ARV1: variants seen among roughly 807,000 people sequenced by gnomAD.
The protein encoded by ARV1 is ARV1 fatty acid homeostasis modulator.
A neutral mutation model predicts 31.1 loss-of-function variants in ARV1; 26 were observed. That is an observed-to-expected ratio of 0.84 (90% CI 0.61 to 1.16). ARV1 has a LOEUF of 1.16. Ranked by LOEUF, ARV1 falls within the 50% of genes most tolerant of loss-of-function variation. The pLI is 0.00. For synonymous variants in ARV1, 117 were observed against 123.2 expected, an observed-to-expected ratio of 0.95 and a Z score of 0.34; for missense variants, 281 against 324.9, an observed-to-expected ratio of 0.86 and a Z score of 1.04.
chr1:230,996,995 G>C, intron 4 of ARV1, 126 bp from the exon 5 acceptor site: 1 of 1,184,884 alleles, frequency 8.4e-7, no homozygotes, highest in Non-Finnish European at 1.2e-6. Context: ...TAACAGCATA[G>C]ATTAATAAGA....
At chr1:230,987,073 A>T (rs1366321391) in intron 1 of ARV1, among the ~76,000 whole-genome samples, 4 of 152,120 alleles carry the variant, frequency 2.6e-5, no homozygotes. Flanking sequence ...TGCCAGCATC[A>T]CTACTCTCAT....
rs139239645 is a variant in ARV1 at position 230,987,805 on chromosome 1, C to T, written c.175-515C>T. 6.6e-4 allele frequency among the ~76,000 whole-genome samples: 101 copies of T among 152,306 alleles called. No individual in the cohort carries two copies. In the South Asian group the frequency reaches 9.3e-3, roughly 14 times the overall value. ...CACCTCAGGATCATTCGGATCATGCCCCATTCTTTACCTACTTGCAGCTCT... is the reference window on the plus strand; with the variant it reads ...CACCTCAGGATCATTCGGATCATGCTCCATTCTTTACCTACTTGCAGCTCT... On this transcript the variant is annotated intron_variant, in intron 1 of 5. Transcript: ENST00000310256.
rs144095931 is a variant in ARV1, at chr1:230,988,353, G to A, written c.208G>A (p.Glu70Lys). ...SCQKPVDKYIEYDPVIILINA... is the reference protein window; with the variant it reads ...SCQKPVDKYIKYDPVIILINA... ...CCAGAAACCTGTAGACAAATATATCGAGTATGATCCTGTTATCATCTTGAT... is the reference window on the plus strand; with the variant it reads ...CCAGAAACCTGTAGACAAATATATCAAGTATGATCCTGTTATCATCTTGAT... The change falls in exon 2 of 6, where the codon GAG (glutamate) becomes AAG (lysine). Residue 70 changes from glutamate to lysine, a missense_variant. By Grantham distance (56) the Glu-to-Lys change is moderately conservative. Coordinates refer to ENST00000310256, the MANE Select transcript of ARV1 (RefSeq NM_022786.3). 39 of 1,594,684 alleles carry A rather than the reference G, an allele frequency of 2.4e-5. No homozygotes were observed. The highest frequency in any genetic ancestry group is 3.4e-5 in the Admixed American group (2 of 59,216).
chr1:230,999,898 C>G (rs1247035631), intron 5 of ARV1: 4 of 152,158 alleles, frequency 2.6e-5, no homozygotes, highest in Non-Finnish European at 5.9e-5. Context: ...TATCTTGAAT[C>G]ACTTGAAAGC....
intron 1 of ARV1, among the ~76,000 whole-genome samples, chr1:230,981,823 C>T (rs953101326): frequency 6.6e-6 from 1 of 152,152 alleles, no homozygotes; most frequent in Non-Finnish European, 1.5e-5. Flanking sequence ...CCGGCAGTCC[C>T]GCTGGCATCC....
intron 1 of ARV1, among the ~76,000 whole-genome samples, chr1:230,987,871 C>T (rs1372776932): frequency 2.0e-5 from 3 of 152,208 alleles, no homozygotes; most frequent in Non-Finnish European, 4.4e-5. Flanking sequence ...GTACTTTTCT[C>T]CAAATCATGT....
chr1:230,989,779 A>C (rs1374431384), intron 2 of ARV1, among the ~76,000 whole-genome samples: 4 of 152,248 alleles, frequency 2.6e-5, no homozygotes, highest in Non-Finnish European at 5.9e-5. Context: ...AAGGTGAACT[A>C]TTATTTAAAG....
intron 1 of ARV1, among the ~76,000 whole-genome samples, chr1:230,987,029 A>G (rs1437862550): frequency 2.0e-5 from 3 of 152,152 alleles, no homozygotes; most frequent in East Asian, 1.9e-4. Flanking sequence ...CTTTTCACTT[A>G]AAGGATTTTA....
rs114615484 is a variant in ARV1, at chr1:230,979,691, A to G, written c.174+412A>G. ...ACGATGCTTTTTAAAGGTTTCATCA[A>G]TTGTCGTTATTGGATGTCTACGGTG... On this transcript the variant is annotated intron_variant, in intron 1 of 5. Transcript: ENST00000310256. Among the ~76,000 whole-genome samples the G allele has an allele frequency of 2.8e-3, 427 of 152,286 alleles. 2 individuals carry two copies. The highest frequency in any genetic ancestry group is 9.8e-3 in the African/African-American group (408 of 41,558).
intron 1 of ARV1, 40 bp downstream of exon 1, chr1:230,979,319 G>T: frequency 6.2e-7 from 1 of 1,608,750 alleles, no homozygotes; most frequent in South Asian, 1.1e-5. Context: ...GAAGAAAATG[G>T]CGCGGCGGGA....
rs1679196217 is a variant in ARV1 at position 230,990,358 on chromosome 1, AGAG to A, written c.448+96_448+98del. ...CATGTAGTCTTAATTGTTGGTAAGA[AGAG>A]CTAGTTAATATGGGACTTAAGATGA... On this transcript the variant is annotated intron_variant, in intron 3 of 5. Coordinates refer to ENST00000310256, the MANE Select transcript of ARV1 (RefSeq NM_022786.3). The A allele has an allele frequency of 4.7e-6, 7 of 1,481,726 alleles. No individual in the cohort carries two copies. The African/African-American group carries it at 5.6e-5, about 12-fold the overall frequency. 91.8% of individuals were successfully genotyped at this position (1,481,726 alleles called of 1,614,324 possible).
At chr1:230,984,375 T>TGTGTGTGTGCGCGTGC (rs1558241649) in intron 1 of ARV1, among the ~76,000 whole-genome samples, 6 of 122,246 alleles carry the variant, frequency 4.9e-5, no homozygotes, top group African/African-American at 1.8e-4. Context: ...TGTGTGTGTG[T>TGTGTGTGTGCGCGTGC]GTGTGTGTGT....
intron 3 of ARV1, among the ~76,000 whole-genome samples, chr1:230,994,727 G>C (rs1679316375): frequency 6.6e-6 from 1 of 152,030 alleles, no homozygotes; most frequent in Admixed American, 6.6e-5. Flanking sequence ...TGTATTTTTA[G>C]TAGAGACGGG....
intron 2 of ARV1, among the ~76,000 whole-genome samples, chr1:230,989,190 G>A (rs1201833697): frequency 6.6e-6 from 1 of 152,174 alleles, no homozygotes; most frequent in Non-Finnish European, 1.5e-5. Flanking sequence ...CCAGGCTGAA[G>A]TGCAGTGGCG....
intron 3 of ARV1, among the ~76,000 whole-genome samples, chr1:230,991,326 T>C (rs1219575061): frequency 6.6e-6 from 1 of 152,218 alleles, no homozygotes; most frequent in Non-Finnish European, 1.5e-5. Flanking sequence ...TCTCGCTCTC[T>C]TGGTCATGTA....
chr1:230,989,412 C>T (rs1377582399), intron 2 of ARV1, among the ~76,000 whole-genome samples: 1 of 152,200 alleles, frequency 6.6e-6, no homozygotes, highest in East Asian at 1.9e-4. Flanking sequence ...ATTGGGATTA[C>T]AGGCATGAGC....
intron 3 of ARV1, among the ~76,000 whole-genome samples, chr1:230,992,838 G>A (rs960836944): frequency 5.9e-5 from 9 of 152,040 alleles, no homozygotes; most frequent in Admixed American, 3.3e-4. Flanking sequence ...AAAAATCTCC[G>A]CCTCCATTAT....
intron 1 of ARV1, among the ~76,000 whole-genome samples, chr1:230,982,621 G>T (rs533727838): frequency 6.6e-6 from 1 of 152,060 alleles, no homozygotes; most frequent in Non-Finnish European, 1.5e-5. Flanking sequence ...TTATGGATTC[G>T]TTATTGTCCA....
At chr1:230,988,282 A>G (rs1369947595) in intron 1 of ARV1, 38 bp from the exon 2 acceptor site, 3 of 1,557,342 alleles carry the variant, frequency 1.9e-6, no homozygotes, top group African/African-American at 1.4e-5. Flanking sequence ...CAGAAAGTAT[A>G]CATTTGCTTG....
Sources: gnomAD v4.1 joint callset for allele counts (sites outside exome capture counted in the v4.1 genomes callset) on GRCh38, gnomAD v4.1.1 for gene constraint, MANE v1.5 for transcripts, NCBI Gene and HGNC (gene_info 2026-07-23, HGNC 2026-07-21) for gene names.